EIF3H: variants seen among roughly 807,000 people sequenced by gnomAD.
EIF3H encodes the protein eukaryotic translation initiation factor 3 subunit H, also known as eIF-3-gamma.
EIF3H carries 26 observed loss-of-function variants against 44.2 expected under a neutral mutation model. That is an observed-to-expected ratio of 0.59 (90% CI 0.43 to 0.82). The LOEUF (loss-of-function observed/expected upper bound fraction) is 0.82, where lower values mean the gene tolerates loss of function less well. EIF3H is among the 40% of genes least tolerant of loss of function. EIF3H has a pLI of 0.00. For synonymous variants in EIF3H, 166 were observed against 151.9 expected (o/e 1.09, Z -0.68); for missense variants, 359 against 432.8 (o/e 0.83, Z 1.51).
At chr8:116,645,607 CAT>C (rs1229337977) in intron 7 of EIF3H, among the ~76,000 whole-genome samples, 1 of 152,214 alleles carries the variant, frequency 6.6e-6, no homozygotes, top group Admixed American at 6.5e-5. Context: ...AGGGCTCCAT[CAT>C]TGCTTTTTAT....
chr8:116,652,895 AT>A (rs1424543149), intron 5 of EIF3H, among the ~76,000 whole-genome samples: 1 of 152,208 alleles, frequency 6.6e-6, no homozygotes, highest in African/African-American at 2.4e-5. Flanking sequence ...TGATCCTTTC[AT>A]TTTTACCAGT....
chr8:116,684,059 T>C (rs1299237939), intron 2 of EIF3H, among the ~76,000 whole-genome samples: 1 of 152,194 alleles, frequency 6.6e-6, no homozygotes, highest in Non-Finnish European at 1.5e-5. Flanking sequence ...AACTTTAAAA[T>C]ACAGAGTTTA....
intron 1 of EIF3H, among the ~76,000 whole-genome samples, 177 bp downstream of exon 1, chr8:116,755,489 G>A (rs1425427415): frequency 1.3e-5 from 2 of 152,048 alleles, no homozygotes; most frequent in Admixed American, 6.5e-5. Flanking sequence ...TAGAAGACAA[G>A]AGAAGGCTGT....
At chr8:116,671,455 T>C (rs1474615975) in intron 2 of EIF3H, among the ~76,000 whole-genome samples, 1 of 152,246 alleles carries the variant, frequency 6.6e-6, no homozygotes, top group African/African-American at 2.4e-5. Flanking sequence ...CATCTTTTCC[T>C]TGCAGAAAAG....
In EIF3H at chr8:116,643,425, C is replaced by T. The variant is rs1353818494; in HGVS notation, c.*1581G>A. Reference sequence around the variant, plus strand: ...TACTTGGATTCTAGAATGTTCTAGGCCCTGAGCTTTTTAAAGTAAAACCCA... The same window carrying T: ...TACTTGGATTCTAGAATGTTCTAGGTCCTGAGCTTTTTAAAGTAAAACCCA... On this transcript the variant is annotated 3_prime_UTR_variant, in exon 8 of 8. Transcript: ENST00000521861. The T allele has an allele frequency of 6.6e-6, 1 of 152,162 alleles. No homozygotes were observed. Among genetic ancestry groups the T allele is most frequent in the Non-Finnish European group, 1.5e-5 (1 of 68,032 alleles). 9.4% of individuals were successfully genotyped at this position (152,162 alleles called of 1,614,324 possible). A position where few individuals can be genotyped will look rare whatever the true frequency, so the allele number is the denominator to read the frequency against.
intron 1 of EIF3H, among the ~76,000 whole-genome samples, chr8:116,754,106 T>A (rs74309011): frequency 0.048 from 7,278 of 152,012 alleles, 299 homozygotes; most frequent in Admixed American, 0.15. Flanking sequence ...ACAGGCCAGA[T>A]AGTACTCCAT....
intron 6 of EIF3H, among the ~76,000 whole-genome samples, chr8:116,647,664 A>C (rs1813326697): frequency 6.6e-6 from 1 of 152,242 alleles, no homozygotes; most frequent in African/African-American, 2.4e-5. Flanking sequence ...TGAGAAACCA[A>C]GCTGGGCTAG....
intron 1 of EIF3H, 123 bp from the exon 2 acceptor site, chr8:116,726,295 T>C (rs1814836914): frequency 9.8e-7 from 1 of 1,020,472 alleles, no homozygotes; most frequent in Admixed American, 3.0e-5. Context: ...ATAAGAGGAA[T>C]AAATAAATGT....
At chr8:116,686,587 G>A (rs929580696) in intron 2 of EIF3H, among the ~76,000 whole-genome samples, 1 of 150,850 alleles carries the variant, frequency 6.6e-6, no homozygotes, top group Non-Finnish European at 1.5e-5. Flanking sequence ...GCTAAATTAA[G>A]ACACATTCCT....
At chr8:116,717,070 C>A (rs1293957875) in intron 2 of EIF3H, among the ~76,000 whole-genome samples, 3 of 152,018 alleles carry the variant, frequency 2.0e-5, no homozygotes, top group Non-Finnish European at 4.4e-5. Context: ...TAAAAATCAA[C>A]ATACAGGACT....
intron 2 of EIF3H, among the ~76,000 whole-genome samples, chr8:116,680,388 G>T (rs1409113796): frequency 1.5e-5 from 1 of 66,224 alleles, no homozygotes; most frequent in African/African-American, 5.2e-5. Context: ...ATAGAAAGGC[G>T]GGAAGAGTGG....
upstream of EIF3H, among the ~76,000 whole-genome samples, chr8:116,756,227 G>A (rs574033436): frequency 1.1e-4 from 17 of 152,304 alleles, no homozygotes; most frequent in South Asian, 3.5e-3. Context: ...GTTAATTAGC[G>A]ATGAGCCAGT....
rs1313139597 is a variant in EIF3H, at chr8:116,726,112, C to T, written c.193G>A (p.Gly65Arg). ...TCTACAACCAGACCCAAAAGCACTC[C>T]TTGAACAACTTCAGTTCCTTGTCCT... ...EEGQGTEVVQ[G>R]VLLGLVVEDR... is the part of the protein sequence containing the mutation. The change falls in exon 2 of 8, where the codon GGA becomes AGA. Residue 65 changes from glycine to arginine, a missense_variant. Gly to Arg is a moderately radical substitution (Grantham distance 125). This residue lies in a region of EIF3H where 91 missense variants were observed against 164.6 expected (regional missense o/e 0.55). Transcript: ENST00000521861. 3.1e-6 allele frequency: 5 copies of T among 1,613,942 alleles called. No homozygotes were observed. Among genetic ancestry groups the T allele is most frequent in the Non-Finnish European group, 4.2e-6 (5 of 1,179,974 alleles).
chr8:116,743,698 C>T (rs62510188), intron 1 of EIF3H, among the ~76,000 whole-genome samples: 1,977 of 146,782 alleles, frequency 0.013, 24 homozygotes, highest in East Asian at 0.039. Flanking sequence ...GTGGAGGCTG[C>T]AGCGAGCCGA....
chr8:116,665,140 C>G (rs1173626993), intron 2 of EIF3H, among the ~76,000 whole-genome samples: 1 of 152,178 alleles, frequency 6.6e-6, no homozygotes, highest in African/African-American at 2.4e-5. Context: ...GTGAAGTATA[C>G]AGTAAATTAT....
intron 1 of EIF3H, among the ~76,000 whole-genome samples, chr8:116,740,640 G>A (rs1815113520): frequency 1.3e-5 from 2 of 152,098 alleles, no homozygotes; most frequent in South Asian, 4.1e-4. Flanking sequence ...CTAGTACACA[G>A]TTATTCTAGA....
chr8:116,660,122 A>G (rs1367268868), intron 2 of EIF3H, among the ~76,000 whole-genome samples: 2 of 152,186 alleles, frequency 1.3e-5, no homozygotes, highest in African/African-American at 4.8e-5. Context: ...TACTCCTAGG[A>G]TCAAAGAATC....
intron 2 of EIF3H, among the ~76,000 whole-genome samples, chr8:116,705,086 G>A (rs2130887419): frequency 6.6e-6 from 1 of 152,284 alleles, no homozygotes; most frequent in East Asian, 1.9e-4. Context: ...TATCTACAAA[G>A]AATGTTCTTC....
intron 1 of EIF3H, among the ~76,000 whole-genome samples, chr8:116,735,703 C>G (rs1815023645): frequency 2.0e-5 from 3 of 152,042 alleles, no homozygotes; most frequent in African/African-American, 7.2e-5. Flanking sequence ...CGTCTTGGCC[C>G]CATGTGGATC....
Sources: gnomAD v4.1 joint callset for allele counts (sites outside exome capture counted in the v4.1 genomes callset) on GRCh38, gnomAD v4.1.1 for gene constraint, gnomAD v4.1.1 regional missense constraint, MANE v1.5 for transcripts, NCBI Gene and HGNC (gene_info 2026-07-23, HGNC 2026-07-21) for gene names.